The following CHRM3 variants were observed in gnomAD, a reference collection of about 807,000 sequenced individuals.
CHRM3 encodes cholinergic receptor muscarinic 3, also known as muscarinic acetylcholine receptor M3.
In CHRM3, 11 loss-of-function variants were observed where a neutral mutation model predicts 41.8. That is an observed-to-expected ratio of 0.26 (90% CI 0.17 to 0.44). The LOEUF (loss-of-function observed/expected upper bound fraction) is 0.44, where lower values mean the gene tolerates loss of function less well. CHRM3 is among the 20% of genes least tolerant of loss of function. CHRM3 has a pLI of 1.00. For missense variants in CHRM3, 571 were observed against 745.4 expected, an observed-to-expected ratio of 0.77 and a Z score of 2.72; for synonymous variants, 297 against 301.4, an observed-to-expected ratio of 0.99 and a Z score of 0.15.
intron 4 of CHRM3, among the ~76,000 whole-genome samples, chr1:239,640,459 T>C (rs1026741287): frequency 2.6e-5 from 4 of 152,226 alleles, no homozygotes; most frequent in African/African-American, 7.2e-5. Context: ...TATTGGTCTA[T>C]TCAGAGATTC....
At chr1:239,754,330 G>A (rs1254328546) in intron 5 of CHRM3, among the ~76,000 whole-genome samples, 1 of 152,202 alleles carries the variant, frequency 6.6e-6, no homozygotes, top group Non-Finnish European at 1.5e-5. Context: ...TGTTATCAGT[G>A]CTAGCTTTAT....
chr1:239,908,254 T>C lies in CHRM3; in HGVS notation c.803T>C (p.Leu268Pro), dbSNP rs1680120812. 1 of 1,614,112 alleles carries C rather than the reference T, an allele frequency of 6.2e-7. No individual in the cohort carries two copies. Among genetic ancestry groups the C allele is most frequent in the Non-Finnish European group, 8.5e-7 (1 of 1,180,020 alleles). The change falls in exon 7 of 7, where the codon CTG becomes CCG. Residue 268 changes from leucine (L) to proline (P), a missense_variant. This residue lies in a region of CHRM3 where 153 missense variants were observed against 296.3 expected (regional missense o/e 0.52). Transcript: ENST00000676153. The surrounding 1 kb of genome is among the most constrained non-coding windows in gnomAD (Gnocchi z 7.2). Reference sequence around the variant, plus strand: ...AAGCGTACCAAAGAGCTTGCTGGCCTGCAAGCCTCTGGGACAGAGGCAGAG... The same window carrying C: ...AAGCGTACCAAAGAGCTTGCTGGCCCGCAAGCCTCTGGGACAGAGGCAGAG... ...TEKRTKELAG[L>P]QASGTEAETE...
chr1:239,475,088 G>T (rs992294820), intron 1 of CHRM3, among the ~76,000 whole-genome samples: 3 of 151,968 alleles, frequency 2.0e-5, no homozygotes, highest in Non-Finnish European at 2.9e-5. Flanking sequence ...TAAGAGGAAG[G>T]TCTGTGAAGA....
chr1:239,412,282 T>C, intron 1 of CHRM3, among the ~76,000 whole-genome samples: 1 of 78,584 alleles, frequency 1.3e-5, no homozygotes, highest in Admixed American at 1.2e-4. Context: ...TCTTCCTTCC[T>C]CTCTCACTTT....
At chr1:239,554,286 G>A (rs1660135356) in intron 3 of CHRM3, among the ~76,000 whole-genome samples, 2 of 152,188 alleles carry the variant, frequency 1.3e-5, no homozygotes, top group African/African-American at 2.4e-5. Flanking sequence ...TGAAGCCAGA[G>A]AATTCGAGTA....
chr1:239,510,277 G>C (rs961026071), intron 2 of CHRM3, among the ~76,000 whole-genome samples: 1 of 152,186 alleles, frequency 6.6e-6, no homozygotes, highest in Non-Finnish European at 1.5e-5. Context: ...GTTTAGAAAA[G>C]AGTATGTGTG....
intron 6 of CHRM3, among the ~76,000 whole-genome samples, chr1:239,836,268 C>T (rs557285060): frequency 2.6e-4 from 40 of 152,258 alleles, no homozygotes; most frequent in Admixed American, 1.5e-3. Flanking sequence ...ATCCTCAGAT[C>T]GAGAAAGGGT....
intron 3 of CHRM3, among the ~76,000 whole-genome samples, chr1:239,556,913 A>G (rs986393979): frequency 2.0e-5 from 3 of 152,192 alleles, no homozygotes; most frequent in African/African-American, 4.8e-5. Context: ...ATTGAATTGA[A>G]TGATGCTTCT....
chr1:239,586,889 G>T (rs1663466608), intron 3 of CHRM3, among the ~76,000 whole-genome samples: 1 of 152,098 alleles, frequency 6.6e-6, no homozygotes, highest in African/African-American at 2.4e-5. Flanking sequence ...AGAGAAAAAA[G>T]GGAAAGTTGA....
At position 239,552,627 on chromosome 1, in the gene CHRM3, ATATTATTAT is replaced by A. The variant is rs78726802; in HGVS notation, c.-313+6905_-313+6913del. Among the ~76,000 whole-genome samples the A allele has an allele frequency of 1.5e-3, 204 of 139,756 alleles. 1 individual carries two copies. The highest frequency in any genetic ancestry group is 3.7e-3 in the Middle Eastern group (1 of 272). 91.7% of individuals were successfully genotyped at this position (139,756 alleles called of 152,430 possible). Reference sequence around the variant, plus strand: ...CAGGCTCATGCTCCACACCTGACTAATATTATTATTATTATTATTATTATTATTATTATT... The same window carrying A: ...CAGGCTCATGCTCCACACCTGACTAATATTATTATTATTATTATTATTATT... On this transcript the variant is annotated intron_variant, in intron 3 of 6. Coordinates refer to ENST00000676153, the MANE Select transcript of CHRM3 (RefSeq NM_001375978.1).
intron 5 of CHRM3, among the ~76,000 whole-genome samples, chr1:239,729,953 G>A (rs1227228221): frequency 6.6e-6 from 1 of 151,820 alleles, no homozygotes; most frequent in African/African-American, 2.4e-5. Context: ...CTTTCTAACT[G>A]TGTATCTGAA....
chr1:239,532,410 G>A (rs770079354), intron 2 of CHRM3, among the ~76,000 whole-genome samples: 5 of 150,248 alleles, frequency 3.3e-5, no homozygotes, highest in African/African-American at 4.9e-5. Context: ...GGTGGATCAC[G>A]AGGTCAACAG....
At chr1:239,474,425 C>T (rs1558249938) in intron 1 of CHRM3, among the ~76,000 whole-genome samples, 1 of 152,002 alleles carries the variant, frequency 6.6e-6, no homozygotes, top group Admixed American at 6.6e-5. Context: ...GTAACACATA[C>T]ATCATGTATA....
At chr1:239,542,708 C>A (rs1272130978) in intron 2 of CHRM3, among the ~76,000 whole-genome samples, 1 of 152,130 alleles carries the variant, frequency 6.6e-6, no homozygotes, top group Non-Finnish European at 1.5e-5. Context: ...ACCTTCTCTT[C>A]ACCTCTAAGA....
chr1:239,491,239 A>T (rs1255929112), intron 1 of CHRM3, among the ~76,000 whole-genome samples: 5 of 152,156 alleles, frequency 3.3e-5, no homozygotes, highest in Admixed American at 6.5e-5. Flanking sequence ...ATATACAATA[A>T]ATTGTTTTAT....
At chr1:239,465,068 C>G (rs1356023297) in intron 1 of CHRM3, among the ~76,000 whole-genome samples, 1 of 152,040 alleles carries the variant, frequency 6.6e-6, no homozygotes, top group South Asian at 2.1e-4. Context: ...TAGGGGTCTA[C>G]AAAATTTTCT....
chr1:239,528,044 A>G (rs1281740340), intron 2 of CHRM3, among the ~76,000 whole-genome samples: 1 of 152,186 alleles, frequency 6.6e-6, no homozygotes, highest in Non-Finnish European at 1.5e-5. Flanking sequence ...CCATCTCTAA[A>G]ATGAGGACCC....
At chr1:239,794,842 G>T (rs606709) in intron 5 of CHRM3, among the ~76,000 whole-genome samples, 3 of 151,932 alleles carry the variant, frequency 2.0e-5, no homozygotes, top group Non-Finnish European at 4.4e-5. Context: ...AGATGTTTCC[G>T]ATCCTATCAA....
intron 3 of CHRM3, among the ~76,000 whole-genome samples, chr1:239,550,445 C>A (rs577570709): frequency 2.3e-4 from 35 of 152,234 alleles, no homozygotes; most frequent in African/African-American, 7.9e-4. Context: ...GGGTCCAGAA[C>A]TCAACCAATA....
Sources: allele counts gnomAD v4.1 joint callset (sites outside exome capture counted in the v4.1 genomes callset), GRCh38; gene constraint gnomAD v4.1.1; regional missense constraint gnomAD v4.1.1; non-coding constraint Gnocchi (gnomAD v3.1); transcripts MANE v1.5; gene names NCBI Gene and HGNC (gene_info 2026-07-23, HGNC 2026-07-21).